JAZF1: variants seen among roughly 807,000 people sequenced by gnomAD.
JAZF1 encodes the protein JAZF zinc finger 1, also known as juxtaposed with another zinc finger protein 1.
In JAZF1, 8 loss-of-function variants were observed where a neutral mutation model predicts 26.4. The ratio of observed to expected loss-of-function variants is 0.30; its 90% CI spans 0.18 to 0.55. The LOEUF is 0.55. Among genes scored for constraint, JAZF1 ranks in the 20% least tolerant of loss-of-function variants. JAZF1 has a pLI of 0.94. For missense variants in JAZF1, 199 were observed against 322.0 expected (o/e 0.62, Z 2.92); for synonymous variants, 126 against 122.3 (o/e 1.03, Z -0.20).
At chr7:27,998,774 T>C (rs976973520) in intron 1 of JAZF1, among the ~76,000 whole-genome samples, 3 of 152,210 alleles carry the variant, frequency 2.0e-5, no homozygotes, top group African/African-American at 7.2e-5. Context: ...CTGCCACAAG[T>C]GAATGAATAA....
chr7:28,082,375 C>T (rs1250198568), intron 1 of JAZF1, among the ~76,000 whole-genome samples: 4 of 152,166 alleles, frequency 2.6e-5, no homozygotes, highest in Non-Finnish European at 5.9e-5. Context: ...GTTGCTCTCC[C>T]GCCTCTGCCC....
intron 3 of JAZF1, among the ~76,000 whole-genome samples, chr7:27,855,568 G>T (rs1215477982): frequency 1.3e-5 from 2 of 152,158 alleles, no homozygotes; most frequent in Non-Finnish European, 2.9e-5. Flanking sequence ...ACTACCATCA[G>T]ATTATACTAC....
rs560646523 is a variant in JAZF1, at chr7:27,909,564, G to A, written c.189-14148C>T. On this transcript the variant is annotated intron_variant, in intron 2 of 4. Coordinates refer to ENST00000283928, the MANE Select transcript of JAZF1 (RefSeq NM_175061.4). Reference sequence around the variant, plus strand: ...CTCTACTAAAAATACAAAATTAGCCGGGCATGGTGGCACATGCCTGTAATC... The same window carrying A: ...CTCTACTAAAAATACAAAATTAGCCAGGCATGGTGGCACATGCCTGTAATC... Among the ~76,000 whole-genome samples, 976 of 152,124 alleles carry A rather than the reference G, an allele frequency of 6.4e-3. 5 individuals carry two copies. The highest frequency in any genetic ancestry group is 9.8e-3 in the Non-Finnish European group (668 of 67,984).
At chr7:27,861,461 G>C (rs1583435540) in intron 3 of JAZF1, among the ~76,000 whole-genome samples, 1 of 151,122 alleles carries the variant, frequency 6.6e-6, no homozygotes, top group Non-Finnish European at 1.5e-5. Context: ...CTTTCTGGGA[G>C]ATTTTTCTAA....
chr7:28,076,567 G>A (rs1006100296), intron 1 of JAZF1, among the ~76,000 whole-genome samples: 6 of 151,998 alleles, frequency 3.9e-5, no homozygotes, highest in South Asian at 2.1e-4. Flanking sequence ...TCTGAATTCC[G>A]GTTAGGATAA....
At chr7:27,887,195 G>A (rs984324337) in intron 3 of JAZF1, among the ~76,000 whole-genome samples, 43 of 152,068 alleles carry the variant, frequency 2.8e-4, no homozygotes, top group Non-Finnish European at 4.7e-4. Context: ...ATACCTGGGC[G>A]ATGAAATAAT....
chr7:28,152,400 G>C (rs1169480545), intron 1 of JAZF1, among the ~76,000 whole-genome samples: 1 of 152,178 alleles, frequency 6.6e-6, no homozygotes, highest in Non-Finnish European at 1.5e-5. Context: ...TCCCTGGCCA[G>C]GGTATAAGTA....
At chr7:27,965,567 T>A (rs564264028) in intron 2 of JAZF1, among the ~76,000 whole-genome samples, 4 of 152,350 alleles carry the variant, frequency 2.6e-5, no homozygotes, top group Non-Finnish European at 5.9e-5. Flanking sequence ...GTTATATTTC[T>A]ATATGAGACA....
chr7:28,018,113 C>G (rs6946778), intron 1 of JAZF1, among the ~76,000 whole-genome samples: 7,141 of 152,244 alleles, frequency 0.047, 267 homozygotes, highest in African/African-American at 0.098. Context: ...ATAGGAAAAG[C>G]CTTTCCATGG....
intron 2 of JAZF1, among the ~76,000 whole-genome samples, chr7:27,947,517 G>A (rs1279378084): frequency 2.0e-5 from 3 of 152,176 alleles, no homozygotes; most frequent in African/African-American, 7.2e-5. Context: ...TTCCTTTCAA[G>A]TGAATCTGCT....
intron 2 of JAZF1, among the ~76,000 whole-genome samples, chr7:27,981,906 C>T (rs1785592514): frequency 6.6e-6 from 1 of 152,194 alleles, no homozygotes; most frequent in African/African-American, 2.4e-5. Context: ...GTATGTGGCC[C>T]CATCCCTATT....
intron 1 of JAZF1, among the ~76,000 whole-genome samples, chr7:28,164,907 A>T (rs1271037202): frequency 1.3e-5 from 2 of 152,190 alleles, no homozygotes; most frequent in African/African-American, 4.8e-5. Context: ...TGTGGCTCAC[A>T]TCTGTAATCC....
chr7:28,157,919 C>T (rs896876139), intron 1 of JAZF1, among the ~76,000 whole-genome samples: 1 of 151,632 alleles, frequency 6.6e-6, no homozygotes, highest in Non-Finnish European at 1.5e-5. Context: ...GCTTAAATTC[C>T]CCATGGTCTC....
chr7:28,010,327 T>C (rs1039309610), intron 1 of JAZF1, among the ~76,000 whole-genome samples: 1 of 152,060 alleles, frequency 6.6e-6, no homozygotes, highest in Non-Finnish European at 1.5e-5. Flanking sequence ...GGGAGGGCGG[T>C]CGTCCCCCTT....
At chr7:28,158,195 AGAGAGAGAGG>A (rs1404780583) in intron 1 of JAZF1, among the ~76,000 whole-genome samples, 1 of 151,490 alleles carries the variant, frequency 6.6e-6, no homozygotes, top group Non-Finnish European at 1.5e-5. Context: ...ACAGAGAGAG[AGAGAGAGAGG>A]GAGAGAGAGA....
intron 1 of JAZF1, among the ~76,000 whole-genome samples, chr7:28,004,401 T>TA (rs72501870): frequency 0.05 from 7,102 of 143,178 alleles, 268 homozygotes; most frequent in African/African-American, 0.1. Flanking sequence ...CTGGGTAACT[T>TA]AAAAAAAAAA....
intron 1 of JAZF1, among the ~76,000 whole-genome samples, chr7:28,153,333 A>C (rs1783136524): frequency 6.6e-6 from 1 of 152,212 alleles, no homozygotes; most frequent in Non-Finnish European, 1.5e-5. Flanking sequence ...AAAAAAAATT[A>C]GCAACAATGT....
intron 1 of JAZF1, among the ~76,000 whole-genome samples, chr7:28,086,334 C>T (rs1433350228): frequency 1.3e-5 from 2 of 152,152 alleles, no homozygotes; most frequent in East Asian, 1.9e-4. Context: ...TTACTGTTTC[C>T]GTTTCATTTG....
chr7:27,834,741 C>T (rs997293433), intron 4 of JAZF1, among the ~76,000 whole-genome samples: 26 of 152,184 alleles, frequency 1.7e-4, no homozygotes, highest in African/African-American at 6.0e-4. Flanking sequence ...GTGTATCCAG[C>T]CCAAGTGAGC....
Sources: gnomAD v4.1 joint callset for allele counts (sites outside exome capture counted in the v4.1 genomes callset) on GRCh38, gnomAD v4.1.1 for gene constraint, MANE v1.5 for transcripts, NCBI Gene and HGNC (gene_info 2026-07-23, HGNC 2026-07-21) for gene names.